Variants in ADAMTS12 observed in about 807,000 individuals in gnomAD.
ADAMTS12 encodes A disintegrin and metalloproteinase with thrombospondin motifs 12.
Under a neutral mutation model 167.8 loss-of-function variants are expected in ADAMTS12, and 118 were observed. The observed-to-expected ratio is 0.70, with a 90% CI of 0.61 to 0.82. The LOEUF (loss-of-function observed/expected upper bound fraction) is 0.82. Among genes scored for constraint, ADAMTS12 ranks in the 40% least tolerant of loss-of-function variants. ADAMTS12 has a pLI of 0.00. For missense variants in ADAMTS12, 1,916 were observed against 1,998.8 expected (o/e 0.96, Z 0.79); for synonymous variants, 704 against 716.9 (o/e 0.98, Z 0.29).
intron 2 of ADAMTS12, among the ~76,000 whole-genome samples, chr5:33,862,894 C>T (rs1561314996): frequency 6.6e-6 from 1 of 151,714 alleles, no homozygotes; most frequent in Admixed American, 6.6e-5. Flanking sequence ...TTAACATATG[C>T]AATCAATAAA....
At chr5:33,816,431 C>T (rs1022567946) in intron 2 of ADAMTS12, among the ~76,000 whole-genome samples, 1 of 152,006 alleles carries the variant, frequency 6.6e-6, no homozygotes. Flanking sequence ...ATATATATTC[C>T]TCCTGTCTGA....
At chr5:33,560,486 G>A (rs189840889) in intron 20 of ADAMTS12, among the ~76,000 whole-genome samples, 125 of 152,128 alleles carry the variant, frequency 8.2e-4, no homozygotes, top group Middle Eastern at 3.4e-3. Context: ...TGTTTATTGC[G>A]GCACTACTCA....
chr5:33,729,875 T>G (rs1490199137), intron 3 of ADAMTS12, among the ~76,000 whole-genome samples: 1 of 152,252 alleles, frequency 6.6e-6, no homozygotes, highest in African/African-American at 2.4e-5. Flanking sequence ...GAAATCAATT[T>G]GTGTGTGGAT....
intron 2 of ADAMTS12, among the ~76,000 whole-genome samples, chr5:33,818,742 C>T (rs548434346): frequency 1.9e-4 from 29 of 152,246 alleles, no homozygotes; most frequent in East Asian, 1.7e-3. Context: ...CCCTCACCAA[C>T]GTTGGTTATC....
chr5:33,798,225 C>T (rs1264556877), intron 2 of ADAMTS12, among the ~76,000 whole-genome samples: 1 of 150,244 alleles, frequency 6.7e-6, no homozygotes, highest in Non-Finnish European at 1.5e-5. Context: ...GTATATTAGT[C>T]TTTTAGGGCT....
At chr5:33,619,842 G>A (rs998170131) in intron 14 of ADAMTS12, among the ~76,000 whole-genome samples, 8 of 152,076 alleles carry the variant, frequency 5.3e-5, no homozygotes, top group African/African-American at 1.9e-4. Flanking sequence ...CTACCAGCGC[G>A]TGCCACCACA....
chr5:33,614,689 G>C (rs1371782907), intron 15 of ADAMTS12, among the ~76,000 whole-genome samples: 2 of 152,170 alleles, frequency 1.3e-5, no homozygotes, highest in African/African-American at 4.8e-5. Context: ...AGTACTCTGT[G>C]GAAATGGCAA....
intron 3 of ADAMTS12, among the ~76,000 whole-genome samples, chr5:33,708,857 G>A (rs901715057): frequency 1.3e-5 from 2 of 151,872 alleles, no homozygotes; most frequent in South Asian, 2.1e-4. Flanking sequence ...ATAACGGGTC[G>A]ATGTGTGCAG....
At chr5:33,619,007 G>C (rs868068991) in intron 14 of ADAMTS12, among the ~76,000 whole-genome samples, 59 of 152,134 alleles carry the variant, frequency 3.9e-4, no homozygotes, top group African/African-American at 1.3e-3. Flanking sequence ...TGACCCTCTG[G>C]TCTAGAGGCT....
At chr5:33,575,020 C>G (rs966279161) in intron 19 of ADAMTS12, among the ~76,000 whole-genome samples, 1 of 152,054 alleles carries the variant, frequency 6.6e-6, no homozygotes, top group African/African-American at 2.4e-5. Context: ...TTTGATGCTT[C>G]AAAGGATGTA....
chr5:33,715,564 A>G (rs1303993287), intron 3 of ADAMTS12, among the ~76,000 whole-genome samples: 1 of 152,170 alleles, frequency 6.6e-6, no homozygotes, highest in African/African-American at 2.4e-5. Flanking sequence ...ATGCAATCCT[A>G]GATTCTTTAC....
At chr5:33,689,667 G>A (rs914084671) in intron 3 of ADAMTS12, among the ~76,000 whole-genome samples, 1 of 152,168 alleles carries the variant, frequency 6.6e-6, no homozygotes, top group Non-Finnish European at 1.5e-5. Context: ...AAAAAAGAAG[G>A]AAAGCATCTT....
chr5:33,868,403 G>T (rs1749910807), intron 2 of ADAMTS12, among the ~76,000 whole-genome samples: 1 of 152,166 alleles, frequency 6.6e-6, no homozygotes, highest in Non-Finnish European at 1.5e-5. Context: ...GACAATCCAG[G>T]CTGATAGTGA....
intron 2 of ADAMTS12, among the ~76,000 whole-genome samples, chr5:33,761,410 G>A (rs1387729773): frequency 1.3e-5 from 2 of 152,228 alleles, no homozygotes; most frequent in Non-Finnish European, 2.9e-5. Flanking sequence ...ACAATGATTT[G>A]TGGCAGAGGG....
intron 19 of ADAMTS12, among the ~76,000 whole-genome samples, chr5:33,562,017 C>G (rs1745772371): frequency 1.3e-5 from 2 of 152,150 alleles, no homozygotes. Context: ...CTGACCTGCC[C>G]AAAGGGTTTT....
intron 1 of ADAMTS12, among the ~76,000 whole-genome samples, chr5:33,887,028 G>A (rs535402370): frequency 1.3e-5 from 2 of 152,152 alleles, no homozygotes; most frequent in South Asian, 4.2e-4. Flanking sequence ...CCTCCAAGCA[G>A]AGACAGGAGA....
intron 2 of ADAMTS12, among the ~76,000 whole-genome samples, chr5:33,857,914 G>C (rs1396455315): frequency 1.3e-5 from 2 of 152,160 alleles, no homozygotes; most frequent in African/African-American, 4.8e-5. Context: ...AATTATGGTT[G>C]GAGACTTCAA....
intron 18 of ADAMTS12, among the ~76,000 whole-genome samples, chr5:33,583,440 G>A (rs1034158764): frequency 2.0e-5 from 3 of 148,028 alleles, no homozygotes; most frequent in Non-Finnish European, 4.4e-5. Context: ...TGCAAACAGC[G>A]CTGCAACAAA....
chr5:33,817,377 G>A (rs1747701673), intron 2 of ADAMTS12, among the ~76,000 whole-genome samples: 1 of 152,092 alleles, frequency 6.6e-6, no homozygotes, highest in African/African-American at 2.4e-5. Context: ...CCACAGAATG[G>A]AATTCTCCTC....
Sources: allele counts gnomAD v4.1 joint callset (sites outside exome capture counted in the v4.1 genomes callset), GRCh38; gene constraint gnomAD v4.1.1; transcripts MANE v1.5; gene names NCBI Gene and HGNC (gene_info 2026-07-23, HGNC 2026-07-21).